MYO9A: variants seen among roughly 807,000 people sequenced by gnomAD.
The protein encoded by MYO9A is myosin IXA, also known as unconventional myosin-IXa.
A neutral mutation model predicts 293.3 loss-of-function variants in MYO9A; 103 were observed. The ratio of observed to expected loss-of-function variants is 0.35; its 90% CI spans 0.30 to 0.41. The LOEUF is 0.41. MYO9A is among the 10% of genes least tolerant of loss of function. The pLI, the probability that MYO9A is intolerant of heterozygous loss-of-function variation, is 1.00. For missense variants in MYO9A, 2,685 were observed against 3,033.0 expected, an observed-to-expected ratio of 0.89 and a Z score of 2.69; for synonymous variants, 1,001 against 1,035.7, an observed-to-expected ratio of 0.97 and a Z score of 0.64.
At chr15:72,019,278 G>A (rs757119127) in intron 5 of MYO9A, among the ~76,000 whole-genome samples, 183 bp from the exon 6 acceptor site, 34 of 152,064 alleles carry the variant, frequency 2.2e-4, no homozygotes, top group Non-Finnish European at 4.3e-4. Context: ...CTGTACTACC[G>A]AACGCATATA....
Position 71,897,539 on chromosome 15 carries a change from T to C in MYO9A, c.4964A>G (p.His1655Arg). Reference protein sequence around the residue: ...EHFRPTQSYSHNSDDLSREGN... With the variant: ...EHFRPTQSYSRNSDDLSREGN... The stretch of plus-strand genomic sequence containing the variant: ...CTCTCTGGAAAGGTCATCAGAATTG[T>C]GGCTGTAAGACTGAGTTGGCCTAAA... The change falls in exon 25 of 42, where the codon CAC becomes CGC. Residue 1655 changes from histidine (H) to arginine (R), a missense_variant. Physicochemically the swap from His to Arg is conservative, Grantham distance 29. Around this residue, in one of 10 missense-constraint regions of MYO9A, gnomAD observed 1,434 missense variants for 1,497.7 expected, o/e 0.96. Transcript: ENST00000356056. 6.2e-7 allele frequency: 1 copy of C among 1,614,166 alleles called. No homozygotes were observed. The highest frequency in any genetic ancestry group is 8.5e-7 in the Non-Finnish European group (1 of 1,179,996).
At chr15:71,955,279 C>A (rs1185503028) in intron 14 of MYO9A, among the ~76,000 whole-genome samples, 1 of 152,180 alleles carries the variant, frequency 6.6e-6, no homozygotes, top group Non-Finnish European at 1.5e-5. Flanking sequence ...AGGCATGCGC[C>A]ACCAAGCCCG....
chr15:71,988,801 T>C (rs1038421658), intron 11 of MYO9A, among the ~76,000 whole-genome samples: 1 of 152,242 alleles, frequency 6.6e-6, no homozygotes, highest in South Asian at 2.1e-4. Flanking sequence ...TGGGGTACAA[T>C]GTAAACCTAT....
intron 1 of MYO9A, among the ~76,000 whole-genome samples, chr15:72,083,864 T>A (rs2079628072): frequency 6.6e-6 from 1 of 152,048 alleles, no homozygotes; most frequent in South Asian, 2.1e-4. Flanking sequence ...CCCAAGAGAG[T>A]GGTTGTTACG....
rs958423133 is a variant in MYO9A at position 72,008,506 on chromosome 15, ATGTG to A, written c.1254-558_1254-555del. On this transcript the variant is annotated intron_variant, in intron 7 of 41. Transcript: ENST00000356056. The stretch of plus-strand genomic sequence containing the variant: ...GGTAAATGGGTGTGTGTGTGTGTGT[ATGTG>A]TGTGTGTAAGTATGAAGCCATGTGG... 3.2e-4 allele frequency among the ~76,000 whole-genome samples: 33 copies of A among 103,688 alleles called. No homozygotes were observed. The East Asian group carries it at 7.8e-3, about 24-fold the overall frequency. 68.0% of individuals were successfully genotyped at this position (103,688 alleles called of 152,430 possible).
At chr15:72,061,480 C>T (rs920214785) in intron 1 of MYO9A, among the ~76,000 whole-genome samples, 2 of 146,630 alleles carry the variant, frequency 1.4e-5, no homozygotes, top group African/African-American at 2.5e-5. Flanking sequence ...GAGACCCAAG[C>T]CTGGCAGGAT....
In MYO9A at chr15:72,111,826, T is replaced by C. The variant is rs554241054; in HGVS notation, c.-72+5854A>G. 1.7e-4 allele frequency among the ~76,000 whole-genome samples: 26 copies of C among 152,170 alleles called. No individual in the cohort carries two copies. The East Asian group carries it at 4.1e-3, about 24-fold the overall frequency. On this transcript the variant is annotated intron_variant, in intron 1 of 41. Transcript: ENST00000356056. ...TATTTAATAATAATTTTGTCATTTTTGTAGAGACAAGGTCTCCTATGTTGC... is the reference window on the plus strand; with the variant it reads ...TATTTAATAATAATTTTGTCATTTTCGTAGAGACAAGGTCTCCTATGTTGC...
chr15:71,854,391 T>C lies in MYO9A; in HGVS notation c.6332A>G (p.Gln2111Arg). 6.3e-7 allele frequency: 1 copy of C among 1,594,424 alleles called. No individual in the cohort carries two copies. Among genetic ancestry groups the C allele is most frequent in the South Asian group, 1.2e-5 (1 of 85,730 alleles). ...CACTATCTTACCTGTATCTAGACCCTGCCGAAGCTCCTTGATTTTATTAGT... is the reference window on the plus strand; with the variant it reads ...CACTATCTTACCTGTATCTAGACCCCGCCGAAGCTCCTTGATTTTATTAGT... The part of the protein sequence containing the change: ...GSTNKIKELR[Q>R]GLDTDAESVN... Residue 2111 changes from glutamine to arginine, a missense_variant, in exon 35 of 42, where the codon CAG (glutamine) becomes CGG (arginine). By Grantham distance (43) the Gln-to-Arg change is conservative. This residue lies in a region of MYO9A where 238 missense variants were observed against 269.1 expected (regional missense o/e 0.88). Coordinates refer to ENST00000356056, the MANE Select transcript of MYO9A (RefSeq NM_006901.4).
At chr15:72,045,504 G>A (rs1245233357) in intron 2 of MYO9A, 1 of 375,698 alleles carries the variant, frequency 2.7e-6, no homozygotes, top group Non-Finnish European at 4.7e-6. Context: ...GACCTCAGGT[G>A]ATCCACCCAC....
intron 26 of MYO9A, 125 bp downstream of exon 26, chr15:71,893,554 C>T: frequency 2.7e-6 from 2 of 736,910 alleles, no homozygotes; most frequent in Non-Finnish European, 4.4e-6. Context: ...CTCATGGCTT[C>T]TTTCTCTAAA....
Position 72,007,808 on chromosome 15 carries a change from G to T in MYO9A, c.1380+18C>A. 1.3e-6 allele frequency: 2 copies of T among 1,598,768 alleles called. No individual in the cohort carries two copies. Among genetic ancestry groups the T allele is most frequent in the Non-Finnish European group, 1.7e-6 (2 of 1,175,288 alleles). On this transcript the variant is annotated intron_variant, in intron 8 of 41. Transcript: ENST00000356056. ...GTTACAAAGATTTGAAATGACAACT[G>T]AAAATGTAATCACTCACCTCTAATA... is the stretch of plus-strand genomic sequence containing the variant.
intron 1 of MYO9A, among the ~76,000 whole-genome samples, chr15:72,077,026 C>CAAA (rs34070169): frequency 6.8e-6 from 1 of 147,624 alleles, no homozygotes; most frequent in African/African-American, 2.5e-5. Flanking sequence ...CAACTACATC[C>CAAA]AAAAAAAAAA....
intron 5 of MYO9A, among the ~76,000 whole-genome samples, chr15:72,019,852 C>T (rs549266225): frequency 1.0e-3 from 155 of 152,204 alleles, no homozygotes; most frequent in African/African-American, 3.6e-3. Flanking sequence ...CGGGTTGAAG[C>T]GATTCTCGTG....
chr15:71,941,842 G>T (rs1567299163), intron 15 of MYO9A, among the ~76,000 whole-genome samples: 1 of 152,038 alleles, frequency 6.6e-6, no homozygotes, highest in Non-Finnish European at 1.5e-5. Context: ...AAAGCCCTAA[G>T]AACATGGAAC....
At chr15:72,100,436 G>A (rs906724938) in intron 1 of MYO9A, among the ~76,000 whole-genome samples, 5 of 151,902 alleles carry the variant, frequency 3.3e-5, no homozygotes, top group Non-Finnish European at 7.4e-5. Context: ...CTGGGATGTG[G>A]GGAGCCCCTC....
At chr15:71,956,737 CAT>C (rs2059206398) in intron 14 of MYO9A, among the ~76,000 whole-genome samples, 1 of 140,748 alleles carries the variant, frequency 7.1e-6, no homozygotes, top group African/African-American at 2.6e-5. Context: ...CATATATACA[CAT>C]ATGTAGCATA....
intron 3 of MYO9A, 39 bp downstream of exon 3, chr15:72,032,455 A>G (rs763701406): frequency 1.5e-6 from 2 of 1,307,240 alleles, no homozygotes; most frequent in Non-Finnish European, 1.1e-6. Context: ...AAATTAAAAC[A>G]TGCTCCAAAG....
At chr15:71,897,395 C>G in intron 25 of MYO9A, 66 bp downstream of exon 25, 1 of 1,480,276 alleles carries the variant, frequency 6.8e-7, no homozygotes. Flanking sequence ...TGGAGCAGAA[C>G]AAGGCACCTT....
intron 2 of MYO9A, among the ~76,000 whole-genome samples, chr15:72,038,335 A>C (rs1032607338): frequency 6.6e-6 from 1 of 151,912 alleles, no homozygotes; most frequent in Non-Finnish European, 1.5e-5. Context: ...AGTGTTATTT[A>C]ACCTGGCCAA....
Sources: gnomAD v4.1 joint callset for allele counts (sites outside exome capture counted in the v4.1 genomes callset) on GRCh38, gnomAD v4.1.1 for gene constraint, gnomAD v4.1.1 regional missense constraint, MANE v1.5 for transcripts, NCBI Gene and HGNC (gene_info 2026-07-23, HGNC 2026-07-21) for gene names.